ATM: variants seen among roughly 807,000 people sequenced by gnomAD.
ATM encodes serine-protein kinase ATM.
ATM carries 308 observed loss-of-function variants against 387.0 expected under a neutral mutation model. The ratio of observed to expected loss-of-function variants is 0.80; its 90% CI spans 0.73 to 0.87. The LOEUF (loss-of-function observed/expected upper bound fraction) is 0.87. Ranked by LOEUF, ATM falls within the 40% of genes least tolerant of loss-of-function variation. The pLI is 0.00. For synonymous variants in ATM, 1,156 were observed against 1,187.3 expected (o/e 0.97, Z 0.54); for missense variants, 3,312 against 3,560.9 (o/e 0.93, Z 1.78).
At chr11:108,259,429 T>C (rs913655298) in intron 16 of ATM, among the ~76,000 whole-genome samples, 19 of 152,278 alleles carry the variant, frequency 1.2e-4, no homozygotes, top group African/African-American at 4.6e-4. Context: ...GAGGTTGCAG[T>C]GAGCGAAGAT....
In ATM at chr11:108,299,787, T is replaced by C. The variant is rs753036834; in HGVS notation, c.5079T>C (p.Asp1693=). The change falls in exon 34 of 63, where the codon GAT becomes GAC. Residue 1693 remains aspartate, a synonymous_variant. Coordinates refer to ENST00000675843, the MANE Select transcript of ATM (RefSeq NM_000051.4). ...FSTIAIQHSK[D]ASYTKALKLF... Reference sequence around the variant, plus strand: ...CCATAGCTATACAACATAGTAAAGATGCATCTTATACCAAGGCCCTTAAGT... The same window carrying C: ...CCATAGCTATACAACATAGTAAAGACGCATCTTATACCAAGGCCCTTAAGT... 7 of 1,613,924 alleles carry C rather than the reference T, an allele frequency of 4.3e-6. No homozygotes were observed. Among genetic ancestry groups the C allele is most frequent in the Non-Finnish European group, 8.5e-7 (1 of 1,179,976 alleles).
intron 7 of ATM, 81 bp downstream of exon 7, chr11:108,245,107 G>A: frequency 8.9e-7 from 1 of 1,126,582 alleles, no homozygotes; most frequent in South Asian, 1.3e-5. Context: ...GTGTTCTTTA[G>A]GAGGATATGA....
intron 36 of ATM, among the ~76,000 whole-genome samples, chr11:108,303,310 G>A (rs772168707): frequency 6.6e-6 from 1 of 152,106 alleles, no homozygotes; most frequent in Non-Finnish European, 1.5e-5. Flanking sequence ...CCAAGAGCCT[G>A]TTCTAACTTT....
chr11:108,306,900 C>T (rs1331117728), intron 37 of ATM, among the ~76,000 whole-genome samples: 1 of 152,216 alleles, frequency 6.6e-6, no homozygotes, highest in Non-Finnish European at 1.5e-5. Flanking sequence ...CGTATTTCAT[C>T]TGATTACCAA....
At chr11:108,238,829 C>A (rs545103511) in intron 5 of ATM, among the ~76,000 whole-genome samples, 13 of 151,980 alleles carry the variant, frequency 8.6e-5, no homozygotes, top group African/African-American at 3.1e-4. Context: ...ATATATATAA[C>A]ATTTATAATT....
At chr11:108,332,152 G>A in intron 52 of ATM, 115 bp downstream of exon 52, 5 of 1,356,494 alleles carry the variant, frequency 3.7e-6, no homozygotes, top group Non-Finnish European at 5.1e-6. Context: ...TTCAAGGCTG[G>A]CACGGTGGCT....
Position 108,329,249 on chromosome 11 carries a change from T to G in ATM, c.7307+11T>G. 1 of 1,602,568 alleles carries G rather than the reference T, an allele frequency of 6.2e-7. No individual in the cohort carries two copies. The highest frequency in any genetic ancestry group is 8.5e-7 in the Non-Finnish European group (1 of 1,170,462). On this transcript the variant is annotated intron_variant, in intron 49 of 62. Transcript: ENST00000675843. ...AATTCAGACAAACAGGTAACTAGGT[T>G]TCTACAAGTGACAATTTTATGTTCA...
intron 61 of ATM, among the ~76,000 whole-genome samples, chr11:108,359,587 A>C (rs2090459523): frequency 6.6e-6 from 1 of 152,226 alleles, no homozygotes; most frequent in South Asian, 2.1e-4. Context: ...AGAGATTATA[A>C]CAAACTATCT....
chr11:108,296,900 A>C (rs2083153727), intron 32 of ATM: 2 of 275,970 alleles, frequency 7.2e-6, no homozygotes, highest in Middle Eastern at 1.4e-3. Context: ...ATCATTGCAG[A>C]AAGTTCTGTG....
At chr11:108,245,711 G>A (rs1472330747) in intron 7 of ATM, among the ~76,000 whole-genome samples, 2 of 152,058 alleles carry the variant, frequency 1.3e-5, no homozygotes, top group African/African-American at 2.4e-5. Flanking sequence ...TTGCCTTTGG[G>A]CTTATACTAG....
In ATM at chr11:108,325,366, A is replaced by C. The variant is rs1252127806; in HGVS notation, c.6629A>C (p.Gln2210Pro). 1.4e-5 allele frequency: 22 copies of C among 1,612,808 alleles called. No individual in the cohort carries two copies. Among genetic ancestry groups the C allele is most frequent in the Non-Finnish European group, 1.9e-5 (22 of 1,179,804 alleles). Residue 2210 changes from glutamine to proline, a missense_variant, in exon 46 of 63, where the codon CAG becomes CCG. This residue lies in a region of ATM where 1,405 missense variants were observed against 1,604.4 expected (regional missense o/e 0.88). Coordinates refer to ENST00000675843, the MANE Select transcript of ATM (RefSeq NM_000051.4). ...TATATTAAGTGGCAGAAACACTCCCAGCTTCTCAAGGACAGTGATTTTAGT... is the reference window on the plus strand; with the variant it reads ...TATATTAAGTGGCAGAAACACTCCCCGCTTCTCAAGGACAGTGATTTTAGT... The part of the protein sequence containing the change: ...EVYIKWQKHS[Q>P]LLKDSDFSFQ...
chr11:108,314,410 T>A (rs1439445078), intron 40 of ATM, among the ~76,000 whole-genome samples: 2 of 152,076 alleles, frequency 1.3e-5, no homozygotes, highest in Non-Finnish European at 2.9e-5. Flanking sequence ...CCAGCCCATG[T>A]ACAGTTTTAG....
chr11:108,225,358 G>A (rs989119090), intron 1 of ATM: 3 of 152,220 alleles, frequency 2.0e-5, no homozygotes, highest in African/African-American at 7.2e-5. Flanking sequence ...AGAGTAAAGC[G>A]GAAGTTGTAA....
rs182382127 is a variant in ATM at position 108,227,542 on chromosome 11, A to C, written c.-30-53A>C. The C allele has an allele frequency of 3.1e-5, 35 of 1,113,032 alleles. No homozygotes were observed. Among genetic ancestry groups the C allele is most frequent in the African/African-American group, 1.1e-4 (7 of 63,940 alleles). 68.9% of individuals were successfully genotyped at this position (1,113,032 alleles called of 1,614,324 possible). On this transcript the variant is annotated intron_variant, in intron 1 of 62. Transcript: ENST00000675843. ...CATTTTTTCACACCTCTTTCTCTCT[A>C]TATATGCATATATACATATACATAT...
rs1487809821 is a variant in ATM at position 108,365,318 on chromosome 11, T to G, written c.8988-7T>G. On this transcript the variant is annotated splice_polypyrimidine_tract_variant and splice_region_variant and intron_variant, in intron 62 of 62. Coordinates refer to ENST00000675843, the MANE Select transcript of ATM (RefSeq NM_000051.4). ...CCTCACTGAAACCTTTGTGTTTTTGTCCTTAGTGATATTGACCAGAGTTTC... is the reference window on the plus strand; with the variant it reads ...CCTCACTGAAACCTTTGTGTTTTTGGCCTTAGTGATATTGACCAGAGTTTC... The G allele has an allele frequency of 1.2e-6, 2 of 1,614,104 alleles. No homozygotes were observed. Among genetic ancestry groups the G allele is most frequent in the African/African-American group, 2.7e-5 (2 of 74,942 alleles).
chr11:108,278,742 A>G (rs2082073666), intron 22 of ATM, among the ~76,000 whole-genome samples: 1 of 152,000 alleles, frequency 6.6e-6, no homozygotes, highest in Admixed American at 6.6e-5. Flanking sequence ...AATAGTGAGA[A>G]CTCACTCATT....
intron 61 of ATM, among the ~76,000 whole-genome samples, chr11:108,356,543 A>T (rs1298834616): frequency 5.3e-5 from 8 of 149,974 alleles, no homozygotes; most frequent in African/African-American, 1.7e-4. Flanking sequence ...TCTGTCTTAA[A>T]AAAAAAAAAA....
At position 108,301,637 on chromosome 11, in the gene ATM, G is replaced by GT. The variant is rs747750958; in HGVS notation, c.5178-4dup. ...GGTGTACTTGATAGGCATTTGAATTGTTTTTTTCAGTGTCAAAGTTCGATC... is the reference window on the plus strand; with the variant it reads ...GGTGTACTTGATAGGCATTTGAATTGTTTTTTTTCAGTGTCAAAGTTCGATC... On this transcript the variant is annotated splice_polypyrimidine_tract_variant and intron_variant, in intron 34 of 62. Transcript: ENST00000675843. 4.3e-6 allele frequency: 7 copies of GT among 1,613,088 alleles called. No homozygotes were observed. The East Asian group carries it at 8.9e-5, about 21-fold the overall frequency.
Position 108,289,586 on chromosome 11 carries a change from T to A in ATM, c.4237-16T>A, listed in dbSNP as rs1216936367. The A allele has an allele frequency of 1.3e-6, 2 of 1,588,274 alleles. No homozygotes were observed. The highest frequency in any genetic ancestry group is 8.6e-7 in the Non-Finnish European group (1 of 1,165,512). ...TCTAATTAAACAAGTTTTTACTAAA[T>A]CTGTTTATTTTCTAGGATTCCTATC... On this transcript the variant is annotated splice_polypyrimidine_tract_variant and intron_variant, in intron 28 of 62. Transcript: ENST00000675843.
Sources: gnomAD v4.1 joint callset for allele counts (sites outside exome capture counted in the v4.1 genomes callset) on GRCh38, gnomAD v4.1.1 for gene constraint, gnomAD v4.1.1 regional missense constraint, MANE v1.5 for transcripts, NCBI Gene and HGNC (gene_info 2026-07-23, HGNC 2026-07-21) for gene names.